CMSS1: variants seen among roughly 807,000 people sequenced by gnomAD.
The protein encoded by CMSS1 is cms1 ribosomal small subunit homolog.
In CMSS1, 33 loss-of-function variants were observed where a neutral mutation model predicts 43.5. The observed-to-expected ratio is 0.76, with a 90% CI of 0.57 to 1.01. The LOEUF (loss-of-function observed/expected upper bound fraction) is 1.01, where lower values mean the gene tolerates loss of function less well. CMSS1 is among the 50% of genes least tolerant of loss of function. CMSS1 has a pLI of 0.00. For missense variants in CMSS1, 313 were observed against 326.4 expected (o/e 0.96, Z 0.32); for synonymous variants, 115 against 117.2 (o/e 0.98, Z 0.12).
chr3:100,171,098 C>T (rs868681084), intron 6 of CMSS1, among the ~76,000 whole-genome samples: 1 of 152,124 alleles, frequency 6.6e-6, no homozygotes, highest in Non-Finnish European at 1.5e-5. Flanking sequence ...AGTCTTCACC[C>T]CTGCTTCCCA....
chr3:100,117,251 A>G (rs2066578167), intron 1 of CMSS1, among the ~76,000 whole-genome samples: 1 of 151,956 alleles, frequency 6.6e-6, no homozygotes, highest in Non-Finnish European at 1.5e-5. Flanking sequence ...CACTTTATTT[A>G]TGTTATTTGA....
chr3:99,925,871 C>T, intron 1 of CMSS1: 1 of 985,422 alleles, frequency 1.0e-6, no homozygotes, highest in Non-Finnish European at 1.2e-6. Flanking sequence ...GGTTTATCAG[C>T]TCCTGGCCTT....
chr3:100,125,956 A>G (rs1247586660), intron 1 of CMSS1, among the ~76,000 whole-genome samples: 1 of 152,230 alleles, frequency 6.6e-6, no homozygotes, highest in Non-Finnish European at 1.5e-5. Flanking sequence ...CATTATAAGG[A>G]ACTTGTGGTA....
intron 1 of CMSS1, chr3:99,924,440 A>T (rs375826520): frequency 6.3e-7 from 1 of 1,591,698 alleles, no homozygotes; most frequent in African/African-American, 1.3e-5. Flanking sequence ...GCCTGTTACC[A>T]AATTGTTTAT....
intron 2 of CMSS1, among the ~76,000 whole-genome samples, chr3:100,159,548 A>G (rs993015628): frequency 2.0e-5 from 3 of 152,238 alleles, no homozygotes; most frequent in African/African-American, 4.8e-5. Context: ...TGGAAAGTTA[A>G]TCAAGGAAAA....
At chr3:99,855,945 C>T (rs1943940612) in intron 1 of CMSS1, among the ~76,000 whole-genome samples, 1 of 152,186 alleles carries the variant, frequency 6.6e-6, no homozygotes, top group Admixed American at 6.5e-5. Flanking sequence ...CATTTTTCAA[C>T]CTAACGAAAT....
intron 1 of CMSS1, among the ~76,000 whole-genome samples, chr3:100,059,552 G>GT (rs1232533204): frequency 6.6e-6 from 1 of 152,188 alleles, no homozygotes; most frequent in Non-Finnish European, 1.5e-5. Context: ...TCCTCCAAGG[G>GT]TAGAGGGTGT....
intron 1 of CMSS1, among the ~76,000 whole-genome samples, chr3:99,855,266 A>G (rs879344668): frequency 1.3e-5 from 2 of 152,224 alleles, no homozygotes; most frequent in African/African-American, 2.4e-5. Flanking sequence ...GGGGAACAAA[A>G]TGACTCAAAA....
intron 1 of CMSS1, among the ~76,000 whole-genome samples, chr3:99,846,745 G>T (rs1943382504): frequency 6.6e-6 from 1 of 152,182 alleles, no homozygotes. Context: ...GGGAAAGGAG[G>T]ATAATTGTGA....
intron 1 of CMSS1, among the ~76,000 whole-genome samples, chr3:99,988,541 G>GA (rs1052028825): frequency 8.2e-5 from 12 of 145,712 alleles, no homozygotes; most frequent in African/African-American, 2.0e-4. Context: ...GAAAGAAAAG[G>GA]AAAAAAAAAG....
rs1043094119 is a variant in CMSS1, at chr3:99,985,197, G to T, written c.65-161776G>T. On this transcript the variant is annotated intron_variant, in intron 1 of 9. Transcript: ENST00000421999. ...AGGGGGTCAAAGGTTGTTTTAAAAG[G>T]TTGAGAAAACTGCAATTGGTTCTCT... Among the ~76,000 whole-genome samples the T allele has an allele frequency of 5.3e-5, 8 of 152,246 alleles. No individual in the cohort carries two copies. In the East Asian group the frequency reaches 1.2e-3, roughly 22 times the overall value.
intron 1 of CMSS1, among the ~76,000 whole-genome samples, chr3:99,904,797 G>T (rs1483811485): frequency 1.3e-5 from 2 of 152,046 alleles, no homozygotes; most frequent in Non-Finnish European, 2.9e-5. Context: ...TTCAATCTCA[G>T]TTGGCTTTTC....
intron 1 of CMSS1, among the ~76,000 whole-genome samples, chr3:100,102,590 A>G (rs2066328582): frequency 6.6e-6 from 1 of 151,972 alleles, no homozygotes; most frequent in Middle Eastern, 3.2e-3. Flanking sequence ...TGTTTTTCCT[A>G]CTTCCATTAC....
intron 1 of CMSS1, among the ~76,000 whole-genome samples, chr3:100,114,719 A>G (rs911019061): frequency 6.6e-5 from 10 of 152,332 alleles, no homozygotes; most frequent in South Asian, 2.1e-4. Flanking sequence ...AACCACAGAC[A>G]GCAGTGCTAG....
intron 1 of CMSS1, among the ~76,000 whole-genome samples, chr3:100,115,575 GTCTCTCTCTCTCTCTCTCT>G (rs2066555187): frequency 1.0e-5 from 1 of 97,954 alleles, no homozygotes; most frequent in African/African-American, 4.0e-5. Flanking sequence ...CTCTCTCTCT[GTCTCTCTCTCTCTCTCTCT>G]CTCTCTCTCT....
At chr3:100,073,602 A>AT (rs1219448679) in intron 1 of CMSS1, among the ~76,000 whole-genome samples, 1 of 152,164 alleles carries the variant, frequency 6.6e-6, no homozygotes, top group Non-Finnish European at 1.5e-5. Flanking sequence ...AAATATCTTC[A>AT]TTTAGCACAT....
intron 1 of CMSS1, among the ~76,000 whole-genome samples, chr3:100,122,533 G>GTGC (rs1242653973): frequency 6.6e-6 from 1 of 152,220 alleles, no homozygotes; most frequent in Non-Finnish European, 1.5e-5. Context: ...GGAATACATT[G>GTGC]TGCTATTCAT....
chr3:99,966,179 A>G (rs1708646175), intron 1 of CMSS1, among the ~76,000 whole-genome samples: 1 of 152,172 alleles, frequency 6.6e-6, no homozygotes, highest in African/African-American at 2.4e-5. Flanking sequence ...TTCCTTAGAT[A>G]AGTTGTTTCT....
intron 4 of CMSS1, among the ~76,000 whole-genome samples, chr3:100,165,662 AC>A (rs760425950): frequency 1.3e-5 from 2 of 152,116 alleles, no homozygotes; most frequent in Non-Finnish European, 2.9e-5. Context: ...CCAGATATGG[AC>A]ACCTAGGTTG....
Sources: gnomAD v4.1 joint callset for allele counts (sites outside exome capture counted in the v4.1 genomes callset) on GRCh38, gnomAD v4.1.1 for gene constraint, MANE v1.5 for transcripts, NCBI Gene and HGNC (gene_info 2026-07-23, HGNC 2026-07-21) for gene names.